Variants in FCHO2 observed in about 807,000 individuals in gnomAD.
FCHO2 encodes the protein F-BAR domain only protein 2.
Under a neutral mutation model 114.1 loss-of-function variants are expected in FCHO2, and 43 were observed. The observed-to-expected ratio is 0.38, with a 90% CI of 0.30 to 0.49. The LOEUF is 0.49. Ranked by LOEUF, FCHO2 falls within the 20% of genes least tolerant of loss-of-function variation. The pLI, the probability that FCHO2 is intolerant of heterozygous loss-of-function variation, is 0.97. For synonymous variants in FCHO2, 293 were observed against 315.2 expected (o/e 0.93, Z 0.75); for missense variants, 807 against 950.4 (o/e 0.85, Z 1.98).
At chr5:72,970,844 T>G (rs1267191125) in intron 2 of FCHO2, among the ~76,000 whole-genome samples, 1 of 152,198 alleles carries the variant, frequency 6.6e-6, no homozygotes, top group African/African-American at 2.4e-5. Context: ...ATGCTATCCC[T>G]CTCCCCTCCC....
chr5:73,066,579 T>TC (rs1035941356), intron 18 of FCHO2, among the ~76,000 whole-genome samples: 8 of 147,366 alleles, frequency 5.4e-5, no homozygotes, highest in African/African-American at 7.4e-5. Flanking sequence ...CCTTTTCTTT[T>TC]TTTTTTTTTT....
intron 1 of FCHO2, among the ~76,000 whole-genome samples, chr5:72,966,974 G>A (rs1752236329): frequency 6.6e-6 from 1 of 152,130 alleles, no homozygotes. Context: ...ATTGTGTAGT[G>A]ATCTAGTTCT....
chr5:73,058,443 A>G lies in FCHO2; in HGVS notation c.1264A>G (p.Ser422Gly). The change falls in exon 17 of 26, where the codon AGT becomes GGT. Residue 422 changes from serine (S) to glycine (G), a missense_variant. Transcript: ENST00000430046. ...AAAATATTATGGTAGAAAAGGAACC[A>G]GTGATTTACTTGCTTGGGACCCCCT... ...PSAPPNEKGT[S>G]DLLAWDPLFG... 6.4e-7 allele frequency: 1 copy of G among 1,559,572 alleles called. No homozygotes were observed.
intron 24 of FCHO2, among the ~76,000 whole-genome samples, chr5:73,086,427 C>T (rs1031782154): frequency 2.6e-5 from 4 of 152,198 alleles, no homozygotes; most frequent in Admixed American, 6.5e-5. Context: ...TAGTGTTAAG[C>T]TTCTGTGCAG....
At position 72,975,568 on chromosome 5, in the gene FCHO2, G is replaced by A. The variant is rs147005465; in HGVS notation, c.125+6979G>A. On this transcript the variant is annotated intron_variant, in intron 2 of 25. Transcript: ENST00000430046. The stretch of plus-strand genomic sequence containing the variant: ...AGCCCAGGCTGGAGTGCAGAGGTGC[G>A]ATCATGGCTAACTGCAACCTCCCTG... 1.9e-3 allele frequency among the ~76,000 whole-genome samples: 287 copies of A among 152,106 alleles called. 3 individuals carry two copies. The highest frequency in any genetic ancestry group is 6.4e-3 in the African/African-American group (264 of 41,518).
chr5:72,969,181 T>C (rs1752374392), intron 2 of FCHO2, among the ~76,000 whole-genome samples: 1 of 152,202 alleles, frequency 6.6e-6, no homozygotes, highest in Non-Finnish European at 1.5e-5. Context: ...TTTGTAATTA[T>C]TTATATGAAC....
chr5:73,043,562 G>A (rs1756914637), intron 11 of FCHO2, among the ~76,000 whole-genome samples: 1 of 152,018 alleles, frequency 6.6e-6, no homozygotes, highest in Admixed American at 6.6e-5. Flanking sequence ...TTTCAACATT[G>A]TTTATATTAG....
intron 8 of FCHO2, among the ~76,000 whole-genome samples, chr5:73,031,409 CTAA>C (rs1756235997): frequency 6.6e-6 from 1 of 152,132 alleles, no homozygotes; most frequent in African/African-American, 2.4e-5. Flanking sequence ...CAGTTTTTAA[CTAA>C]TGTTAAAAAC....
chr5:72,989,207 T>TA (rs958252137), intron 2 of FCHO2, among the ~76,000 whole-genome samples: 1 of 151,790 alleles, frequency 6.6e-6, no homozygotes, highest in Non-Finnish European at 1.5e-5. Context: ...AAGACTGTTT[T>TA]AAAAAAAAAT....
chr5:72,969,047 G>C, intron 2 of FCHO2, among the ~76,000 whole-genome samples: 1 of 152,050 alleles, frequency 6.6e-6, no homozygotes, highest in Admixed American at 6.6e-5. Flanking sequence ...TTGTTGTTAA[G>C]ACTCTTAGAA....
chr5:72,973,613 C>T (rs1157503021), intron 2 of FCHO2, among the ~76,000 whole-genome samples: 1 of 150,130 alleles, frequency 6.7e-6, no homozygotes, highest in African/African-American at 2.4e-5. Context: ...ATTAGTCTTG[C>T]TAGTGGTCTA....
At chr5:72,964,672 G>A (rs1298004165) in intron 1 of FCHO2, among the ~76,000 whole-genome samples, 1 of 152,184 alleles carries the variant, frequency 6.6e-6, no homozygotes, top group African/African-American at 2.4e-5. Context: ...ACAGGTGTGA[G>A]CTACCGCGCC....
At chr5:72,971,643 T>C (rs1175517491) in intron 2 of FCHO2, among the ~76,000 whole-genome samples, 1 of 152,162 alleles carries the variant, frequency 6.6e-6, no homozygotes, top group Non-Finnish European at 1.5e-5. Context: ...TTCTCCCATT[T>C]TGTAGGTTGC....
chr5:72,986,591 A>G (rs935191331), intron 2 of FCHO2, among the ~76,000 whole-genome samples: 8 of 152,138 alleles, frequency 5.3e-5, no homozygotes, highest in African/African-American at 1.4e-4. Flanking sequence ...CCCACCCTCA[A>G]CTTACCATGT....
At chr5:72,983,471 C>A (rs1239460240) in intron 2 of FCHO2, among the ~76,000 whole-genome samples, 3 of 151,204 alleles carry the variant, frequency 2.0e-5, no homozygotes, top group Admixed American at 2.0e-4. Flanking sequence ...TCAATCAATT[C>A]TTCTGCCTCA....
chr5:72,974,009 G>T (rs995813808), intron 2 of FCHO2, among the ~76,000 whole-genome samples: 7 of 151,388 alleles, frequency 4.6e-5, no homozygotes, highest in Non-Finnish European at 1.0e-4. Flanking sequence ...GTAGTTGAGC[G>T]GTTTTGAGTG....
intron 1 of FCHO2, among the ~76,000 whole-genome samples, 197 bp from the exon 2 acceptor site, chr5:72,968,301 A>G (rs1405849495): frequency 6.6e-6 from 1 of 152,220 alleles, no homozygotes; most frequent in African/African-American, 2.4e-5. Context: ...AGGTATATGT[A>G]TATATAGTTA....
chr5:73,082,701 CATTCATGT>C lies in FCHO2; in HGVS notation c.2181-57_2181-50del, dbSNP rs1317913856. ...AAAATACACTTATTTATTGAGGTCC[CATTCATGT>C]ATCAGGTACTATACTAGACACAAAA... On this transcript the variant is annotated intron_variant, in intron 23 of 25. Coordinates refer to ENST00000430046, the MANE Select transcript of FCHO2 (RefSeq NM_138782.3). The C allele has an allele frequency of 4.7e-6, 6 of 1,287,854 alleles. No individual in the cohort carries two copies. The Admixed American group carries it at 1.2e-4, about 27-fold the overall frequency. The allele number at this position is 1,287,854 out of a possible 1,614,324, so 79.8% of individuals were successfully genotyped here. A position where few individuals can be genotyped will look rare whatever the true frequency, so the allele number is the denominator to read the frequency against.
chr5:72,962,695 C>T lies in FCHO2; in HGVS notation c.34-5803C>T, dbSNP rs138963741. Among the ~76,000 whole-genome samples, 1,064 of 152,164 alleles carry T rather than the reference C, an allele frequency of 7.0e-3. 8 individuals are homozygous for T. Among genetic ancestry groups the T allele is most frequent in the African/African-American group, 0.025 (1,029 of 41,504 alleles). ...GGACCATGAGGTCAAGAGATCAAGACCATCCTAGCCAACATGGTGAAACCC... is the reference window on the plus strand; with the variant it reads ...GGACCATGAGGTCAAGAGATCAAGATCATCCTAGCCAACATGGTGAAACCC... On this transcript the variant is annotated intron_variant, in intron 1 of 25. Transcript: ENST00000430046.
Sources: gnomAD v4.1 joint callset for allele counts (sites outside exome capture counted in the v4.1 genomes callset) on GRCh38, gnomAD v4.1.1 for gene constraint, MANE v1.5 for transcripts, NCBI Gene and HGNC (gene_info 2026-07-23, HGNC 2026-07-21) for gene names.